The following ABLIM2 variants were observed in gnomAD, a reference collection of about 807,000 sequenced individuals.
ABLIM2 encodes the protein actin-binding LIM protein 2.
In ABLIM2, 53 loss-of-function variants were observed where a neutral mutation model predicts 97.7. The observed-to-expected ratio is 0.54, with a 90% CI of 0.44 to 0.68. ABLIM2 has a LOEUF of 0.68. ABLIM2 is among the 30% of genes least tolerant of loss of function. The pLI is 0.00. For synonymous variants in ABLIM2, 361 were observed against 345.8 expected, an observed-to-expected ratio of 1.04 and a Z score of -0.49; for missense variants, 835 against 867.2, an observed-to-expected ratio of 0.96 and a Z score of 0.47.
rs762747660 is a variant in ABLIM2 at position 8,155,750 on chromosome 4, C to T, written c.10+2930G>A. Among the ~76,000 whole-genome samples the T allele has an allele frequency of 2.2e-5, 3 of 134,606 alleles. No homozygotes were observed. The highest frequency in any genetic ancestry group is 4.9e-5 in the Non-Finnish European group (3 of 60,616). The allele number at this position is 134,606 out of a possible 152,430, so 88.3% of individuals were successfully genotyped here. ...AAGAACAGATTAGGACACAGACACA[C>T]ACAAAGGGAAGACGGGACGAGGACA... On this transcript the variant is annotated intron_variant, in intron 1 of 20. Transcript: ENST00000447017. The surrounding 1 kb of genome is among the most constrained non-coding windows in gnomAD (Gnocchi z 4.2).
intron 5 of ABLIM2, among the ~76,000 whole-genome samples, chr4:8,078,093 G>A (rs1236484380): frequency 6.6e-6 from 1 of 152,162 alleles, no homozygotes; most frequent in Non-Finnish European, 1.5e-5. Flanking sequence ...AGAAAACTGT[G>A]AGCCAAAGAG....
In ABLIM2 at chr4:8,106,517, T is replaced by A. The variant is rs1457113171; in HGVS notation, c.131A>T (p.His44Leu). The A allele has an allele frequency of 6.2e-7, 1 of 1,600,088 alleles. No homozygotes were observed. Among genetic ancestry groups the A allele is most frequent in the African/African-American group, 1.3e-5 (1 of 74,698 alleles). Reference sequence around the variant, plus strand: ...ACCTTTACAGACGAAGCACTTGATGTGGAAGTACTTGTCCTGCACCCGCAG... The same window carrying A: ...ACCTTTACAGACGAAGCACTTGATGAGGAAGTACTTGTCCTGCACCCGCAG... Reference protein sequence around the residue: ...EVLRVQDKYFHIKCFVCKACG... With the variant: ...EVLRVQDKYFLIKCFVCKACG... The change falls in exon 2 of 21, where the codon CAC (histidine) becomes CTC (leucine). Residue 44 changes from histidine to leucine, a missense_variant. By Grantham distance (99) the His-to-Leu change is moderately conservative. Transcript: ENST00000447017.
chr4:7,992,352 C>G lies in ABLIM2; in HGVS notation c.1680+514G>C, dbSNP rs554930058. On this transcript the variant is annotated intron_variant, in intron 17 of 20. Coordinates refer to ENST00000447017, the MANE Select transcript of ABLIM2 (RefSeq NM_001130083.2). This position sits in a 1 kb window ranked among gnomAD's most constrained non-coding sequence, Gnocchi z 5.7. The stretch of plus-strand genomic sequence containing the variant: ...TAGGGGCAGCCAAAGAGCCTGACTT[C>G]AAGTTAATCCAATCTCCGTGCAGCC... 6.6e-6 allele frequency among the ~76,000 whole-genome samples: 1 copy of G among 152,272 alleles called. No homozygotes were observed. Among genetic ancestry groups the G allele is most frequent in the East Asian group, 1.9e-4 (1 of 5,184 alleles).
intron 6 of ABLIM2, among the ~76,000 whole-genome samples, chr4:8,064,683 C>T (rs952350933): frequency 4.6e-5 from 7 of 152,150 alleles, no homozygotes; most frequent in Admixed American, 6.5e-5. Context: ...GCCAAGAAGT[C>T]GGACACAAGA....
chr4:8,037,071 G>C (rs1172902441), intron 9 of ABLIM2, among the ~76,000 whole-genome samples: 1 of 152,092 alleles, frequency 6.6e-6, no homozygotes, highest in East Asian at 1.9e-4. Flanking sequence ...CAAATGTTGG[G>C]TAAATCGATG....
chr4:8,062,890 T>C (rs904827145), intron 6 of ABLIM2, among the ~76,000 whole-genome samples: 11 of 152,202 alleles, frequency 7.2e-5, no homozygotes, highest in Non-Finnish European at 1.5e-5. Flanking sequence ...CTGTGACCTG[T>C]CCTCACACCT....
Position 8,022,399 on chromosome 4 carries a change from C to T in ABLIM2, c.1268-2096G>A, listed in dbSNP as rs955047624. On this transcript the variant is annotated intron_variant, in intron 12 of 20. Transcript: ENST00000447017. The surrounding 1 kb of genome is among the most constrained non-coding windows in gnomAD (Gnocchi z 7.8). ...ACCAGAGTCTGTGGACACATGTGCA[C>T]GTCTATTTGAGGAGGGTCCGGAGAC... Among the ~76,000 whole-genome samples, 10 of 152,200 alleles carry T rather than the reference C, an allele frequency of 6.6e-5. No homozygotes were observed. Among genetic ancestry groups the T allele is most frequent in the African/African-American group, 1.9e-4 (8 of 41,460 alleles).
At position 8,042,240 on chromosome 4, in the gene ABLIM2, C is replaced by T. The variant is rs187759813; in HGVS notation, c.900+2924G>A. Among the ~76,000 whole-genome samples the T allele has an allele frequency of 3.9e-3, 597 of 152,252 alleles. 2 individuals are homozygous for T. The highest frequency in any genetic ancestry group is 0.014 in the African/African-American group (570 of 41,526). On this transcript the variant is annotated intron_variant, in intron 9 of 20. Transcript: ENST00000447017. ...CATACCAACCAGAGTTCCTCTTCCC[C>T]AAGGCGGGTCATAGAAACTAGAAGT...
rs1833390009 is a variant in ABLIM2, at chr4:8,099,457, C to G, written c.155-2175G>C. On this transcript the variant is annotated intron_variant, in intron 2 of 20. Coordinates refer to ENST00000447017, the MANE Select transcript of ABLIM2 (RefSeq NM_001130083.2). ...TGAGTCCACTCCCGGGAGCACCAGG[C>G]AAGTGAGCATGTCCAGCCCCAGCCG... is the stretch of plus-strand genomic sequence containing the variant. Among the ~76,000 whole-genome samples, 4 of 152,170 alleles carry G rather than the reference C, an allele frequency of 2.6e-5. No individual in the cohort carries two copies. In the South Asian group the frequency reaches 8.3e-4, roughly 32 times the overall value.
In ABLIM2 at chr4:8,008,102, G is replaced by A. The variant is rs376841358; in HGVS notation, c.1575C>T (p.Asp525=). ...TQSLSHSSGT[D]RDPLQRMAGD... is the part of the protein sequence containing the mutation. ...CTGCCATCCTTTGGAGAGGGTCTCT[G>A]TCGGTCCCGCTGCTGTGGGACAAGG... Residue 525 remains aspartate (D), a synonymous_variant, in exon 16 of 21, where the codon GAC becomes GAT. Transcript: ENST00000447017. 2 of 1,613,942 alleles carry A rather than the reference G, an allele frequency of 1.2e-6. No individual in the cohort carries two copies. The highest frequency in any genetic ancestry group is 2.7e-5 in the African/African-American group (2 of 74,944).
At chr4:7,977,831 G>A (rs1288084413) in intron 20 of ABLIM2, among the ~76,000 whole-genome samples, 2 of 87,000 alleles carry the variant, frequency 2.3e-5, no homozygotes, top group Non-Finnish European at 5.0e-5. Flanking sequence ...TAAATAAAAG[G>A]TGGGGCAGAT....
intron 8 of ABLIM2, among the ~76,000 whole-genome samples, chr4:8,051,293 A>G (rs2385918): frequency 0.3 from 45,107 of 152,062 alleles, 6,824 homozygotes; most frequent in South Asian, 0.45. Flanking sequence ...TCACGCCTGT[A>G]ATCCCAGCAC....
chr4:8,139,899 C>T (rs896560244), intron 1 of ABLIM2, among the ~76,000 whole-genome samples: 2 of 152,136 alleles, frequency 1.3e-5, no homozygotes, highest in African/African-American at 4.8e-5. Context: ...AGCACATATA[C>T]ACCGTGGAAT....
At chr4:8,117,834 C>T (rs1015580876) in intron 1 of ABLIM2, among the ~76,000 whole-genome samples, 3 of 152,230 alleles carry the variant, frequency 2.0e-5, no homozygotes, top group Non-Finnish European at 4.4e-5. Context: ...TCTCCTATCC[C>T]CCCACGCAGC....
At position 8,087,265 on chromosome 4, in the gene ABLIM2, G is replaced by C. The variant is rs113412996; in HGVS notation, c.454+904C>G. Among the ~76,000 whole-genome samples, 5,490 of 152,264 alleles carry C rather than the reference G, an allele frequency of 0.036. 326 individuals are homozygous for C. The highest frequency in any genetic ancestry group is 0.13 in the African/African-American group (5,235 of 41,532). ...TTGCTGGGCTTCCCTCCCAGAGCCT[G>C]TGTGCCATCTCATGATCCGGCAGAG... On this transcript the variant is annotated intron_variant, in intron 4 of 20. Coordinates refer to ENST00000447017, the MANE Select transcript of ABLIM2 (RefSeq NM_001130083.2). This position sits in a 1 kb window ranked among gnomAD's most constrained non-coding sequence, Gnocchi z 4.6.
At chr4:7,989,327 C>A (rs1317576724) in intron 17 of ABLIM2, 1 of 846,380 alleles carries the variant, frequency 1.2e-6, no homozygotes, top group Admixed American at 6.2e-5. Context: ...GATCCACCCA[C>A]CTCGGCCTCG....
intron 14 of ABLIM2, among the ~76,000 whole-genome samples, chr4:8,011,061 A>G (rs539613046): frequency 4.6e-5 from 7 of 152,244 alleles, no homozygotes; most frequent in African/African-American, 1.7e-4. Context: ...CTGCACGTGC[A>G]TGGACAATTA....
chr4:7,991,393 T>C (rs1368440568), intron 17 of ABLIM2, among the ~76,000 whole-genome samples: 3 of 134,110 alleles, frequency 2.2e-5, no homozygotes, highest in Non-Finnish European at 4.7e-5. Flanking sequence ...TGGAACACCT[T>C]GGCTTGGTCG....
At chr4:8,028,715 T>G (rs770016040) in intron 11 of ABLIM2, among the ~76,000 whole-genome samples, 6 of 149,724 alleles carry the variant, frequency 4.0e-5, no homozygotes, top group Non-Finnish European at 5.9e-5. Flanking sequence ...ACTCACTAAT[T>G]CAGTCATTCA....
Sources: gnomAD v4.1 joint callset for allele counts (sites outside exome capture counted in the v4.1 genomes callset) on GRCh38, gnomAD v4.1.1 for gene constraint, Gnocchi (gnomAD v3.1) non-coding constraint, MANE v1.5 for transcripts, NCBI Gene and HGNC (gene_info 2026-07-23, HGNC 2026-07-21) for gene names.